UBASH3A: variants seen among roughly 807,000 people sequenced by gnomAD.
UBASH3A encodes the protein ubiquitin-associated and SH3 domain-containing protein A.
A neutral mutation model predicts 73.5 loss-of-function variants in UBASH3A; 63 were observed. That is an observed-to-expected ratio of 0.86 (90% CI 0.70 to 1.06). The LOEUF (loss-of-function observed/expected upper bound fraction) is 1.06. Among genes scored for constraint, UBASH3A ranks in the 50% least tolerant of loss-of-function variants. UBASH3A has a pLI of 0.00. For missense variants in UBASH3A, 860 were observed against 859.0 expected, an observed-to-expected ratio of 1.00 and a Z score of -0.02; for synonymous variants, 363 against 351.1, an observed-to-expected ratio of 1.03 and a Z score of -0.38.
At chr21:42,410,184 G>C in intron 3 of UBASH3A, 1 of 701,558 alleles carries the variant, frequency 1.4e-6, no homozygotes. Context: ...CAATGGCCCA[G>C]CAGGCAGCTC....
chr21:42,436,252 G>C (rs1421583468), intron 10 of UBASH3A, among the ~76,000 whole-genome samples: 1 of 152,186 alleles, frequency 6.6e-6, no homozygotes, highest in Non-Finnish European at 1.5e-5. Context: ...TAAAGTCATA[G>C]AGTCATAGAG....
intron 3 of UBASH3A, chr21:42,410,100 C>T (rs1188976875): frequency 2.8e-6 from 2 of 702,468 alleles, no homozygotes; most frequent in Admixed American, 2.0e-5. Context: ...AAATGCAGAA[C>T]TTTTCCCTGT....
chr21:42,404,224 C>T (rs955688115), intron 1 of UBASH3A, 166 bp downstream of exon 1: 2 of 395,650 alleles, frequency 5.1e-6, no homozygotes, highest in Non-Finnish European at 8.9e-6. Context: ...TTCTGCTTCT[C>T]GTAAATGAGG....
At chr21:42,438,344 G>A (rs1053665828) in intron 11 of UBASH3A, among the ~76,000 whole-genome samples, 2 of 152,186 alleles carry the variant, frequency 1.3e-5, no homozygotes, top group African/African-American at 2.4e-5. Flanking sequence ...GGCCACCAGC[G>A]GAAAGTGGGG....
intron 2 of UBASH3A, among the ~76,000 whole-genome samples, chr21:42,407,084 G>C (rs1040975456): frequency 6.6e-6 from 1 of 152,122 alleles, no homozygotes; most frequent in Non-Finnish European, 1.5e-5. Flanking sequence ...ACCTCACCAG[G>C]TACCAGCTGC....
chr21:42,403,964 C>A lies in UBASH3A; in HGVS notation c.19C>A (p.Gln7Lys), dbSNP rs767101316. ...GGAAGAGATGGCAGCGGGGGAGACGCAGCTCTACGCCAAGGTCTCCAACAA... is the reference window on the plus strand; with the variant it reads ...GGAAGAGATGGCAGCGGGGGAGACGAAGCTCTACGCCAAGGTCTCCAACAA... MAAGET[Q>K]LYAKVSNKLK... The change falls in exon 1 of 15, where the codon CAG becomes AAG. Residue 7 changes from glutamine to lysine, a missense_variant. By Grantham distance (53) the Gln-to-Lys change is moderately conservative. Transcript: ENST00000319294. 39 of 1,516,828 alleles carry A rather than the reference C, an allele frequency of 2.6e-5. No individual in the cohort carries two copies. The South Asian group carries it at 4.8e-4, about 19-fold the overall frequency. 94.0% of individuals were successfully genotyped at this position (1,516,828 alleles called of 1,614,324 possible). A position where few individuals can be genotyped will look rare whatever the true frequency, so the allele number is the denominator to read the frequency against.
chr21:42,412,092 G>C (rs773455630), intron 3 of UBASH3A, among the ~76,000 whole-genome samples: 1 of 152,220 alleles, frequency 6.6e-6, no homozygotes, highest in Non-Finnish European at 1.5e-5. Context: ...GTGGTGTCTG[G>C]GTTTCCCCTG....
chr21:42,411,377 TAG>T (rs1327589729), intron 3 of UBASH3A, among the ~76,000 whole-genome samples: 1 of 149,598 alleles, frequency 6.7e-6, no homozygotes, highest in East Asian at 2.0e-4. Context: ...ACACATTAGA[TAG>T]ACACACATGC....
At position 42,443,390 on chromosome 21, in the gene UBASH3A, G is replaced by A; in HGVS notation, c.1710G>A (p.Val570=). The change falls in exon 13 of 15, where the codon GTG becomes GTA. Residue 570 remains valine (V), a synonymous_variant. Transcript: ENST00000319294. The stretch of plus-strand genomic sequence containing the variant: ...TGGACAGGTGCACGGCGAGCATGGT[G>A]CAAATCGTCAACACCTGTCCACAGG... The part of the protein sequence containing the change: ...EYMDRCTASM[V]QIVNTCPQDT... 1.2e-6 allele frequency: 2 copies of A among 1,612,706 alleles called. No individual in the cohort carries two copies. The highest frequency in any genetic ancestry group is 1.1e-5 in the South Asian group (1 of 90,734).
intron 7 of UBASH3A, among the ~76,000 whole-genome samples, chr21:42,419,258 A>G (rs2036590266): frequency 6.6e-6 from 1 of 152,208 alleles, no homozygotes; most frequent in African/African-American, 2.4e-5. Flanking sequence ...ACCTTTTAGC[A>G]TCATCTGGTG....
intron 2 of UBASH3A, among the ~76,000 whole-genome samples, chr21:42,408,883 A>AAAAATAATATAAAATAATAAAAT (rs1555859555): frequency 7.8e-5 from 9 of 115,450 alleles, no homozygotes; most frequent in Middle Eastern, 3.8e-3. Context: ...ACTCCATCTC[A>AAAAATAATATAAAATAATAAAAT]AAAATAAAAT....
At chr21:42,438,682 C>T (rs955648246) in intron 11 of UBASH3A, among the ~76,000 whole-genome samples, 88 of 152,066 alleles carry the variant, frequency 5.8e-4, no homozygotes, top group Non-Finnish European at 1.0e-3. Flanking sequence ...GCGAGGAGGC[C>T]GAGCACGGGG....
At chr21:42,414,750 C>G (rs560878107) in intron 5 of UBASH3A, among the ~76,000 whole-genome samples, 80 of 152,332 alleles carry the variant, frequency 5.3e-4, no homozygotes, top group Admixed American at 1.4e-3. Context: ...TTCCCAGGAG[C>G]TTTCGGGGAG....
At chr21:42,409,706 G>A in intron 3 of UBASH3A, 98 bp downstream of exon 3, 1 of 1,124,916 alleles carries the variant, frequency 8.9e-7, no homozygotes, top group Admixed American at 2.2e-5. Flanking sequence ...TATTTAAATG[G>A]GATAGTCCAG....
chr21:42,425,049 G>A (rs899050270), intron 7 of UBASH3A, among the ~76,000 whole-genome samples: 3 of 152,198 alleles, frequency 2.0e-5, no homozygotes, highest in Non-Finnish European at 4.4e-5. Context: ...CGTTGAAGCC[G>A]CTCAGCTGTG....
chr21:42,447,307 A>G lies in UBASH3A; in HGVS notation c.*113A>G. On this transcript the variant is annotated 3_prime_UTR_variant, in exon 15 of 15. Transcript: ENST00000319294. ...CTTAGTCTCACCCAATGTGATTTGTAGAAGCACGAGACGCACTTTTATATC... is the reference window on the plus strand; with the variant it reads ...CTTAGTCTCACCCAATGTGATTTGTGGAAGCACGAGACGCACTTTTATATC... 5 of 1,145,312 alleles carry G rather than the reference A, an allele frequency of 4.4e-6. No homozygotes were observed. Among genetic ancestry groups the G allele is most frequent in the Non-Finnish European group, 4.9e-6 (4 of 810,648 alleles). 70.9% of individuals were successfully genotyped at this position (1,145,312 alleles called of 1,614,324 possible).
intron 6 of UBASH3A, among the ~76,000 whole-genome samples, chr21:42,417,332 A>C (rs1373874715): frequency 6.6e-6 from 1 of 150,510 alleles, no homozygotes; most frequent in Non-Finnish European, 1.5e-5. Context: ...GCTGAGGCAG[A>C]AGAATCACTT....
At chr21:42,435,120 C>A in intron 10 of UBASH3A, 166 bp downstream of exon 10, 1 of 735,518 alleles carries the variant, frequency 1.4e-6, no homozygotes, top group Non-Finnish European at 2.1e-6. Context: ...GCAACTTGCC[C>A]AAGGTCACAC....
At chr21:42,420,822 T>C (rs2053324768) in intron 7 of UBASH3A, among the ~76,000 whole-genome samples, 1 of 152,222 alleles carries the variant, frequency 6.6e-6, no homozygotes, top group Non-Finnish European at 1.5e-5. Context: ...CAGAATAACC[T>C]TGCTTTTGAT....
Sources: allele counts gnomAD v4.1 joint callset (sites outside exome capture counted in the v4.1 genomes callset), GRCh38; gene constraint gnomAD v4.1.1; transcripts MANE v1.5; gene names NCBI Gene and HGNC (gene_info 2026-07-23, HGNC 2026-07-21).